The following PXK variants were observed in gnomAD, a reference collection of about 807,000 sequenced individuals.
PXK encodes PX domain-containing protein kinase-like protein.
In PXK, 35 loss-of-function variants were observed where a neutral mutation model predicts 84.7. The ratio of observed to expected loss-of-function variants is 0.41; its 90% confidence interval spans 0.32 to 0.55. The LOEUF (loss-of-function observed/expected upper bound fraction) is 0.55. Ranked by LOEUF, PXK falls within the 20% of genes least tolerant of loss-of-function variation. The probability of loss-of-function intolerance (pLI) is 0.21; values close to 1 mark genes in which losing one functional copy is unlikely to be tolerated. For missense variants in PXK, 634 were observed against 699.7 expected (o/e 0.91, Z 1.06); for synonymous variants, 253 against 260.8 (o/e 0.97, Z 0.29).
intron 17 of PXK, chr3:58,423,167 T>C (rs1252849982): frequency 1.0e-6 from 1 of 985,136 alleles, no homozygotes; most frequent in Non-Finnish European, 1.2e-6. Context: ...CCAGAAGTCC[T>C]CTTCAGAGGA....
chr3:58,345,541 A>G (rs1324589483), intron 1 of PXK, among the ~76,000 whole-genome samples: 1 of 152,146 alleles, frequency 6.6e-6, no homozygotes, highest in African/African-American at 2.4e-5. Flanking sequence ...TCTCACTAAC[A>G]TGTGTTTTGT....
At position 58,398,891 on chromosome 3, in the gene PXK, G is replaced by A. The variant is rs1185440362; in HGVS notation, c.1103-408G>A. Among the ~76,000 whole-genome samples the A allele has an allele frequency of 6.6e-6, 1 of 152,200 alleles. No individual in the cohort carries two copies. Among genetic ancestry groups the A allele is most frequent in the Non-Finnish European group, 1.5e-5 (1 of 68,024 alleles). On this transcript the variant is annotated intron_variant, in intron 11 of 17. Transcript: ENST00000356151. The surrounding 1 kb of genome is among the most constrained non-coding windows in gnomAD (Gnocchi z 4.5). ...AATAGCATCCAAGGTGTTGGATGATGAGATATCAACAATTGGCATTTTGTG... is the reference window on the plus strand; with the variant it reads ...AATAGCATCCAAGGTGTTGGATGATAAGATATCAACAATTGGCATTTTGTG...
intron 1 of PXK, among the ~76,000 whole-genome samples, chr3:58,357,537 G>A (rs1168976722): frequency 6.6e-6 from 1 of 152,202 alleles, no homozygotes; most frequent in Non-Finnish European, 1.5e-5. Context: ...ATAAAAAGCA[G>A]TAGGTTTATT....
intron 5 of PXK, 70 bp from the exon 6 acceptor site, chr3:58,391,077 C>A: frequency 9.2e-7 from 1 of 1,087,698 alleles, no homozygotes; most frequent in Non-Finnish European, 1.4e-6. Flanking sequence ...TCTTGATTAC[C>A]TAGTCAGTGA....
chr3:58,413,109 A>G, intron 17 of PXK, 146 bp downstream of exon 17: 1 of 855,626 alleles, frequency 1.2e-6, no homozygotes, highest in Non-Finnish European at 1.9e-6. Flanking sequence ...GCAAATTAGC[A>G]GTGTCATTTG....
At chr3:58,374,824 T>A (rs1559972160) in intron 3 of PXK, among the ~76,000 whole-genome samples, 1 of 152,228 alleles carries the variant, frequency 6.6e-6, no homozygotes, top group Non-Finnish European at 1.5e-5. Context: ...GAATAATCTT[T>A]TTTAAGAGAT....
At chr3:58,393,884 T>A (rs953886198) in intron 7 of PXK, among the ~76,000 whole-genome samples, 6 of 152,200 alleles carry the variant, frequency 3.9e-5, no homozygotes, top group African/African-American at 1.4e-4. Context: ...TTCTCCCTTT[T>A]AAAAAAATTT....
intron 17 of PXK, 61 bp from the exon 18 acceptor site, chr3:58,424,691 G>A: frequency 6.4e-7 from 1 of 1,568,164 alleles, no homozygotes; most frequent in Non-Finnish European, 8.6e-7. Flanking sequence ...GGACTGAGCA[G>A]CAGCGTGTGT....
chr3:58,366,372 G>T (rs1188455857), intron 2 of PXK, among the ~76,000 whole-genome samples: 2 of 152,076 alleles, frequency 1.3e-5, no homozygotes, highest in Non-Finnish European at 2.9e-5. Flanking sequence ...CTCCCTCATT[G>T]TCTCTAGGGG....
chr3:58,366,024 A>T, intron 2 of PXK, 100 bp downstream of exon 2: 1 of 930,960 alleles, frequency 1.1e-6, no homozygotes, highest in South Asian at 1.7e-5. Flanking sequence ...AAATCAGAAC[A>T]TGCATAAATA....
In PXK at chr3:58,416,169, C is replaced by T. The variant is rs1214563971; in HGVS notation, c.1528+3206C>T. Among the ~76,000 whole-genome samples the T allele has an allele frequency of 6.6e-6, 1 of 152,182 alleles. No individual in the cohort carries two copies. The highest frequency in any genetic ancestry group is 2.4e-5 in the African/African-American group (1 of 41,446). On this transcript the variant is annotated intron_variant, in intron 17 of 17. Coordinates refer to ENST00000356151, the MANE Select transcript of PXK (RefSeq NM_017771.5). The surrounding 1 kb of genome is among the most constrained non-coding windows in gnomAD (Gnocchi z 4.8). ...GGAGGCCTGAGCCTTTGAAAGACAA[C>T]TCAGGGACATATGTTAAGATCTTAT...
intron 7 of PXK, among the ~76,000 whole-genome samples, chr3:58,393,656 A>T (rs2098653435): frequency 1.3e-5 from 2 of 152,324 alleles, no homozygotes; most frequent in Non-Finnish European, 2.9e-5. Flanking sequence ...AAAAGAAAAA[A>T]GCCATAATGA....
intron 1 of PXK, among the ~76,000 whole-genome samples, chr3:58,337,096 C>T (rs565802950): frequency 1.3e-5 from 2 of 152,152 alleles, no homozygotes; most frequent in Non-Finnish European, 2.9e-5. Flanking sequence ...AGGTTTGAGC[C>T]ACCATGCCTG....
In PXK at chr3:58,421,015, A is replaced by C; in HGVS notation, c.1529-3737A>C. 1 of 1,001,968 alleles carries C rather than the reference A, an allele frequency of 1.0e-6. No homozygotes were observed. The highest frequency in any genetic ancestry group is 1.2e-6 in the Non-Finnish European group (1 of 840,714). 62.1% of individuals were successfully genotyped at this position (1,001,968 alleles called of 1,614,324 possible). On this transcript the variant is annotated intron_variant, in intron 17 of 17. Coordinates refer to ENST00000356151, the MANE Select transcript of PXK (RefSeq NM_017771.5). The surrounding 1 kb of genome is among the most constrained non-coding windows in gnomAD (Gnocchi z 5.5). ...CTTTTATAACTGACGGTAGGGAAAA[A>C]CAGTTCTTTTGTAAGCATCCTTTAT...
intron 1 of PXK, among the ~76,000 whole-genome samples, chr3:58,339,386 T>A (rs114197309): frequency 6.6e-6 from 1 of 151,706 alleles, no homozygotes; most frequent in African/African-American, 2.4e-5. Context: ...CCACGTACCA[T>A]GCTCGGCTAA....
rs553721098 is a variant in PXK at position 58,416,522 on chromosome 3, G to T, written c.1528+3559G>T. On this transcript the variant is annotated intron_variant, in intron 17 of 17. Transcript: ENST00000356151. This position sits in a 1 kb window ranked among gnomAD's most constrained non-coding sequence, Gnocchi z 4.8. ...CTTTCCTTCTTCTAGGGTATGGGGC[G>T]TGTGTAGGAGATGCTTGGCAAATCT... 6.6e-6 allele frequency among the ~76,000 whole-genome samples: 1 copy of T among 152,128 alleles called. No homozygotes were observed. The highest frequency in any genetic ancestry group is 2.4e-5 in the African/African-American group (1 of 41,426).
At chr3:58,404,705 G>A (rs1036133454) in intron 13 of PXK, among the ~76,000 whole-genome samples, 2 of 152,126 alleles carry the variant, frequency 1.3e-5, no homozygotes, top group African/African-American at 4.8e-5. Context: ...CTATGAGTGC[G>A]ATTTGGGTAG....
chr3:58,392,609 T>C (rs2098642029), intron 7 of PXK, among the ~76,000 whole-genome samples: 1 of 152,088 alleles, frequency 6.6e-6, no homozygotes, highest in African/African-American at 2.4e-5. Flanking sequence ...GACGCTTTAG[T>C]CTTAGAGCTT....
Position 58,412,922 on chromosome 3 carries a change from C to A in PXK, c.1487C>A (p.Pro496His), listed in dbSNP as rs1476975639. 1 of 1,614,066 alleles carries A rather than the reference C, an allele frequency of 6.2e-7. No homozygotes were observed. Among genetic ancestry groups the A allele is most frequent in the Non-Finnish European group, 8.5e-7 (1 of 1,180,030 alleles). The change falls in exon 17 of 18, where the codon CCT (proline) becomes CAT (histidine). Residue 496 changes from proline (P) to histidine (H), a missense_variant. Physicochemically the swap from Pro to His is moderately conservative, Grantham distance 77 (BLOSUM62 -2). Around this residue, in one of 3 missense-constraint regions of PXK, gnomAD observed 273 missense variants for 283.6 expected, o/e 0.96. Coordinates refer to ENST00000356151, the MANE Select transcript of PXK (RefSeq NM_017771.5). This position sits in a 1 kb window ranked among gnomAD's most constrained non-coding sequence, Gnocchi z 6.2. ...NNSAGSGASS[P>H]LTSPSSPTPP... ...TTAGCAGGATCTGGGGCCAGCTCAC[C>A]TCTCACGTCCCCGTCATCGCCAACT...
Sources: gnomAD v4.1 joint callset for allele counts (sites outside exome capture counted in the v4.1 genomes callset) on GRCh38, gnomAD v4.1.1 for gene constraint, gnomAD v4.1.1 regional missense constraint, Gnocchi (gnomAD v3.1) non-coding constraint, MANE v1.5 for transcripts, NCBI Gene and HGNC (gene_info 2026-07-23, HGNC 2026-07-21) for gene names.